ASH1L: variants seen among roughly 807,000 people sequenced by gnomAD.
ASH1L encodes ASH1 like histone lysine methyltransferase.
ASH1L carries 23 observed loss-of-function variants against 269.0 expected under a neutral mutation model. The ratio of observed to expected loss-of-function variants is 0.09; its 90% CI spans 0.06 to 0.12. The LOEUF (loss-of-function observed/expected upper bound fraction) is 0.12. Ranked by LOEUF, ASH1L falls within the 10% of genes least tolerant of loss-of-function variation. The pLI is 1.00. For missense variants in ASH1L, 2,912 were observed against 3,567.8 expected (o/e 0.82, Z 4.68); for synonymous variants, 1,187 against 1,253.5 (o/e 0.95, Z 1.12).
chr1:155,341,853 T>C, intron 25 of ASH1L, 83 bp downstream of exon 25: 1 of 1,419,618 alleles, frequency 7.0e-7, no homozygotes, highest in Admixed American at 1.8e-5. Flanking sequence ...AGCAGAGAAC[T>C]ACGTGAAGAT....
chr1:155,373,088 C>T (rs556577586), intron 10 of ASH1L, among the ~76,000 whole-genome samples: 5 of 151,976 alleles, frequency 3.3e-5, no homozygotes, highest in African/African-American at 9.6e-5. Flanking sequence ...TGGTATGTGC[C>T]TATAGTCCCA....
At chr1:155,427,690 C>G (rs1022459036) in intron 5 of ASH1L, among the ~76,000 whole-genome samples, 1 of 152,108 alleles carries the variant, frequency 6.6e-6, no homozygotes, top group Non-Finnish European at 1.5e-5. Context: ...CCACCCACCT[C>G]GGCCTCCCAA....
chr1:155,459,883 G>C lies in ASH1L; in HGVS notation c.5000C>G (p.Ser1667Cys), dbSNP rs1664157829. The change falls in exon 4 of 28, where the codon TCT (serine) becomes TGT (cysteine). Residue 1667 changes from serine (S) to cysteine (C), a missense_variant. Around this residue, in one of 13 missense-constraint regions of ASH1L, gnomAD observed 789 missense variants for 897.6 expected, o/e 0.88. Coordinates refer to ENST00000392403, the MANE Select transcript of ASH1L (RefSeq NM_018489.3). ...VQTLAGSQPT[S>C]DKPSQRPSES... The stretch of plus-strand genomic sequence containing the variant: ...TGATGGCCGCTGGGAGGGTTTATCA[G>C]AGGTTGGCTGGGAGCCTGGAGAAAG... 6.3e-7 allele frequency: 1 copy of C among 1,599,526 alleles called. No homozygotes were observed. Among genetic ancestry groups the C allele is most frequent in the Non-Finnish European group, 8.5e-7 (1 of 1,174,360 alleles).
At chr1:155,452,426 G>A (rs536613158) in intron 4 of ASH1L, among the ~76,000 whole-genome samples, 2 of 151,932 alleles carry the variant, frequency 1.3e-5, no homozygotes, top group Non-Finnish European at 2.9e-5. Flanking sequence ...GTTGAACTTT[G>A]TTTTAAAAAT....
chr1:155,391,837 T>C (rs1657953620), intron 7 of ASH1L, among the ~76,000 whole-genome samples: 1 of 152,054 alleles, frequency 6.6e-6, no homozygotes, highest in Non-Finnish European at 1.5e-5. Context: ...ATGCCTGTGG[T>C]CCCAGCTACT....
Position 155,480,990 on chromosome 1 carries a change from T to G in ASH1L, c.1880A>C (p.Lys627Thr), listed in dbSNP as rs1665916233. Residue 627 changes from lysine to threonine, a missense_variant, in exon 3 of 28, where the codon AAA becomes ACA. Lys to Thr is a moderately conservative substitution (Grantham distance 78). This residue lies in a region of ASH1L where 715 missense variants were observed against 721.0 expected (regional missense o/e 0.99). Transcript: ENST00000392403. ...ATCATTTACCTCTTTATCAATCCCTTTACATTCAATACTTATACTATGACC... is the reference window on the plus strand; with the variant it reads ...ATCATTTACCTCTTTATCAATCCCTGTACATTCAATACTTATACTATGACC... ...SVGHSISIECKGIDKEVNDSK... is the reference protein window; with the variant it reads ...SVGHSISIECTGIDKEVNDSK... 6.2e-7 allele frequency: 1 copy of G among 1,614,036 alleles called. No individual in the cohort carries two copies. The highest frequency in any genetic ancestry group is 1.1e-5 in the South Asian group (1 of 91,068).
chr1:155,480,720 G>A lies in ASH1L; in HGVS notation c.2150C>T (p.Pro717Leu). ...KPLKKRKGRK[P>L]RWTKVVARST... ...TCTTGCCACCACTTTAGTCCACCGA[G>A]GTTTTCTTCCTTTTCTTTTTTTTAA... The change falls in exon 3 of 28, where the codon CCT becomes CTT. Residue 717 changes from proline to leucine, a missense_variant. By Grantham distance (98) the Pro-to-Leu change is moderately conservative. Around this residue, in one of 13 missense-constraint regions of ASH1L, gnomAD observed 715 missense variants for 721.0 expected, o/e 0.99. Transcript: ENST00000392403. 2 of 1,613,556 alleles carry A rather than the reference G, an allele frequency of 1.2e-6. No individual in the cohort carries two copies. The highest frequency in any genetic ancestry group is 1.7e-6 in the Non-Finnish European group (2 of 1,179,932).
intron 4 of ASH1L, among the ~76,000 whole-genome samples, chr1:155,443,150 G>C (rs1249656586): frequency 6.6e-6 from 1 of 152,116 alleles, no homozygotes; most frequent in Non-Finnish European, 1.5e-5. Flanking sequence ...TGAATCCTGG[G>C]ATCAAAATCT....
intron 5 of ASH1L, among the ~76,000 whole-genome samples, chr1:155,416,204 C>A (rs1660194306): frequency 6.6e-6 from 1 of 151,958 alleles, no homozygotes; most frequent in African/African-American, 2.4e-5. Context: ...AATCTTGGCT[C>A]AAGGCAACCT....
intron 7 of ASH1L, among the ~76,000 whole-genome samples, chr1:155,387,541 T>C (rs912960584): frequency 3.3e-5 from 5 of 152,224 alleles, no homozygotes; most frequent in African/African-American, 1.2e-4. Context: ...TGTAGCCCTG[T>C]AGTATAGTTT....
intron 3 of ASH1L, among the ~76,000 whole-genome samples, chr1:155,472,831 A>G (rs1406806299): frequency 1.3e-5 from 2 of 152,096 alleles, no homozygotes; most frequent in Non-Finnish European, 2.9e-5. Context: ...AAGTGTAGAG[A>G]TCATCACAAA....
At position 155,478,863 on chromosome 1, in the gene ASH1L, T is replaced by C; in HGVS notation, c.4007A>G (p.Asp1336Gly). The change falls in exon 3 of 28, where the codon GAC becomes GGC. Residue 1336 changes from aspartate (D) to glycine (G), a missense_variant. Physicochemically the swap from Asp to Gly is moderately conservative, Grantham distance 94 (BLOSUM62 -1). Coordinates refer to ENST00000392403, the MANE Select transcript of ASH1L (RefSeq NM_018489.3). The surrounding 1 kb of genome is among the most constrained non-coding windows in gnomAD (Gnocchi z 4.6). ...SFYTHPSFPL[D>G]PLHYIRKPDL... Reference sequence around the variant, plus strand: ...AGGTTTTCGAATGTAGTGCAAAGGGTCTAAGGGGAAAGAAGGATGTGTATA... The same window carrying C: ...AGGTTTTCGAATGTAGTGCAAAGGGCCTAAGGGGAAAGAAGGATGTGTATA... 1.2e-6 allele frequency: 2 copies of C among 1,613,860 alleles called. No individual in the cohort carries two copies. Among genetic ancestry groups the C allele is most frequent in the Non-Finnish European group, 1.7e-6 (2 of 1,179,968 alleles).
intron 5 of ASH1L, chr1:155,433,697 G>T (rs1325453802): frequency 6.3e-6 from 10 of 1,599,028 alleles, no homozygotes; most frequent in Non-Finnish European, 8.5e-6. Context: ...CACCCTGGGG[G>T]TTCTATTTGG....
chr1:155,532,772 G>C (rs548351375), intron 1 of ASH1L, among the ~76,000 whole-genome samples: 1 of 149,436 alleles, frequency 6.7e-6, no homozygotes, highest in Non-Finnish European at 1.5e-5. Context: ...GCAGTGAGCC[G>C]AGATTGTGCC....
intron 5 of ASH1L, among the ~76,000 whole-genome samples, chr1:155,435,559 C>T (rs143481752): frequency 6.2e-4 from 93 of 151,020 alleles, no homozygotes; most frequent in African/African-American, 2.2e-3. Context: ...TTATTACCAG[C>T]GTGTATTGCT....
intron 10 of ASH1L, among the ~76,000 whole-genome samples, chr1:155,373,219 A>C (rs1379096043): frequency 1.3e-5 from 2 of 149,492 alleles, no homozygotes; most frequent in African/African-American, 5.1e-5. Context: ...TCTAAAAAAA[A>C]AACAAAAAAA....
intron 2 of ASH1L, among the ~76,000 whole-genome samples, chr1:155,488,668 CAAAAAAAAAA>C (rs371829476): frequency 1.1e-3 from 32 of 29,196 alleles, no homozygotes; most frequent in Admixed American, 2.2e-3. Context: ...GACTCTGTCA[CAAAAAAAAAA>C]AAAAAAAAAA....
In ASH1L at chr1:155,557,662, C is replaced by T. The variant is rs72704198; in HGVS notation, c.-100+4491G>A. On this transcript the variant is annotated intron_variant, in intron 1 of 27. Transcript: ENST00000392403. ...CCTGATGAGGCAGTCACTAAAAAAG[C>T]GATTTCTAAAACGTGAAATATAAGA... Among the ~76,000 whole-genome samples, 1,267 of 151,972 alleles carry T rather than the reference C, an allele frequency of 8.3e-3. 11 individuals carry two copies. Among genetic ancestry groups the T allele is most frequent in the Non-Finnish European group, 0.013 (870 of 67,984 alleles).
At chr1:155,545,750 G>C (rs1670763600) in intron 1 of ASH1L, among the ~76,000 whole-genome samples, 1 of 152,194 alleles carries the variant, frequency 6.6e-6, no homozygotes, top group African/African-American at 2.4e-5. Flanking sequence ...GCCAGGTGCA[G>C]TGGCTCATGC....
Sources: gnomAD v4.1 joint callset for allele counts (sites outside exome capture counted in the v4.1 genomes callset) on GRCh38, gnomAD v4.1.1 for gene constraint, gnomAD v4.1.1 regional missense constraint, Gnocchi (gnomAD v3.1) non-coding constraint, MANE v1.5 for transcripts, NCBI Gene and HGNC (gene_info 2026-07-23, HGNC 2026-07-21) for gene names.